PRRX2: variants seen among roughly 807,000 people sequenced by gnomAD.
The protein encoded by PRRX2 is paired mesoderm homeobox protein 2.
In PRRX2, 11 loss-of-function variants were observed where a neutral mutation model predicts 18.0. That is an observed-to-expected ratio of 0.61 (90% CI 0.39 to 1.01). The LOEUF is 1.01. PRRX2 is among the 50% of genes least tolerant of loss of function. The pLI is 0.01. For synonymous variants in PRRX2, 177 were observed against 154.8 expected (o/e 1.14, Z -1.06); for missense variants, 387 against 351.0 (o/e 1.10, Z -0.82).
At chr9:129,711,137 G>A (rs765173314) in intron 1 of PRRX2, among the ~76,000 whole-genome samples, 1 of 152,114 alleles carries the variant, frequency 6.6e-6, no homozygotes, top group Non-Finnish European at 1.5e-5. Context: ...CCAGCACCAC[G>A]AGGATCTTGG....
At chr9:129,683,709 TG>T (rs1242399947) in intron 1 of PRRX2, among the ~76,000 whole-genome samples, 2 of 151,618 alleles carry the variant, frequency 1.3e-5, no homozygotes, top group Non-Finnish European at 2.9e-5. Context: ...CACTCCAGCA[TG>T]GGCGACAGAG....
intron 2 of PRRX2, 51 bp from the exon 3 acceptor site, chr9:129,720,545 A>G: frequency 6.6e-7 from 1 of 1,514,918 alleles, no homozygotes; most frequent in Non-Finnish European, 8.9e-7. Flanking sequence ...GTCCAGAAGG[A>G]CTTGGGTCCC....
rs145323112 is a variant in PRRX2, at chr9:129,688,872, C to A, written c.259+22746C>A. 1.7e-3 allele frequency among the ~76,000 whole-genome samples: 260 copies of A among 152,330 alleles called. 1 individual carries two copies. The highest frequency in any genetic ancestry group is 6.0e-3 in the African/African-American group (251 of 41,578). On this transcript the variant is annotated intron_variant, in intron 1 of 3. Transcript: ENST00000372469. ...ACAGCACCACCCTCTGGTTGGGTGG[C>A]TCTAGGCCTAGCATCCTCCCCTCTG...
At chr9:129,685,740 A>G (rs10125991) in intron 1 of PRRX2, among the ~76,000 whole-genome samples, 101,874 of 152,078 alleles carry the variant, frequency 0.67, 34,450 homozygotes, top group African/African-American at 0.76. Flanking sequence ...CTTAGGTATT[A>G]TGCACCCAAA....
rs369246370 is a variant in PRRX2, at chr9:129,696,386, G to A, written c.260-22845G>A. Among the ~76,000 whole-genome samples, 28 of 152,216 alleles carry A rather than the reference G, an allele frequency of 1.8e-4. 1 individual carries two copies. In the East Asian group the frequency reaches 2.3e-3, roughly 13 times the overall value. ...GCCCAGGGGTTAGGCACCAGCCTGG[G>A]CAACATGGTGAAACCCCGTCTCTAC... is the stretch of plus-strand genomic sequence containing the variant. On this transcript the variant is annotated intron_variant, in intron 1 of 3. Coordinates refer to ENST00000372469, the MANE Select transcript of PRRX2 (RefSeq NM_016307.4).
chr9:129,710,022 T>C (rs546434873), intron 1 of PRRX2, among the ~76,000 whole-genome samples: 1 of 152,240 alleles, frequency 6.6e-6, no homozygotes, highest in East Asian at 1.9e-4. Flanking sequence ...ACCCCACACT[T>C]ACCCTACAGT....
rs1442731884 is a variant in PRRX2 at position 129,720,902 on chromosome 9, G to A, written c.626+128G>A. 1.4e-5 allele frequency: 15 copies of A among 1,095,562 alleles called. No individual in the cohort carries two copies. In the South Asian group the frequency reaches 2.4e-4, roughly 17 times the overall value. 67.9% of individuals were successfully genotyped at this position (1,095,562 alleles called of 1,614,324 possible). On this transcript the variant is annotated intron_variant, in intron 3 of 3. Coordinates refer to ENST00000372469, the MANE Select transcript of PRRX2 (RefSeq NM_016307.4). ...GTGTCCACGCGCCCCTGGGATCTGG[G>A]GTACACCAAGTGATGTGTGGCGAGT...
At chr9:129,690,696 T>C (rs568424294) in intron 1 of PRRX2, among the ~76,000 whole-genome samples, 16 of 151,728 alleles carry the variant, frequency 1.1e-4, no homozygotes, top group African/African-American at 3.9e-4. Context: ...TTAGTAGAGA[T>C]GGGGTTTCAC....
intron 1 of PRRX2, among the ~76,000 whole-genome samples, chr9:129,668,331 G>A (rs945295695): frequency 4.6e-5 from 7 of 152,178 alleles, no homozygotes; most frequent in East Asian, 1.9e-4. Context: ...TGGGCTTGCC[G>A]GGACTGCAGA....
intron 1 of PRRX2, among the ~76,000 whole-genome samples, chr9:129,694,602 G>A (rs1173271728): frequency 6.6e-6 from 1 of 152,162 alleles, no homozygotes; most frequent in South Asian, 2.1e-4. Context: ...TGGAAGCTTG[G>A]GTGCTGGAAT....
chr9:129,676,010 G>A (rs376248346), intron 1 of PRRX2, among the ~76,000 whole-genome samples: 1 of 152,218 alleles, frequency 6.6e-6, no homozygotes, highest in Non-Finnish European at 1.5e-5. Flanking sequence ...GTGGGCAGCC[G>A]GTGGGCAACT....
chr9:129,669,520 G>A (rs1187417471), intron 1 of PRRX2, among the ~76,000 whole-genome samples: 1 of 152,266 alleles, frequency 6.6e-6, no homozygotes. Flanking sequence ...CAGGGGTGAG[G>A]CCTCTGGCCA....
intron 1 of PRRX2, among the ~76,000 whole-genome samples, chr9:129,687,997 G>A (rs1832316498): frequency 6.6e-6 from 1 of 152,080 alleles, no homozygotes; most frequent in Admixed American, 6.5e-5. Flanking sequence ...CTGGGCTCAA[G>A]CGGTCCTCCT....
At chr9:129,683,378 T>C (rs1832257837) in intron 1 of PRRX2, among the ~76,000 whole-genome samples, 2 of 152,230 alleles carry the variant, frequency 1.3e-5, no homozygotes, top group Non-Finnish European at 2.9e-5. Context: ...GCCCCTGCTC[T>C]GTGCAGGTCC....
chr9:129,689,542 T>G (rs1231823744), intron 1 of PRRX2, among the ~76,000 whole-genome samples: 3 of 152,164 alleles, frequency 2.0e-5, no homozygotes, highest in African/African-American at 7.2e-5. Context: ...TTGGGACAAG[T>G]GGTCCCTGGC....
In PRRX2 at chr9:129,675,689, C is replaced by G. The variant is rs79213576; in HGVS notation, c.259+9563C>G. Among the ~76,000 whole-genome samples, 1 of 151,812 alleles carries G rather than the reference C, an allele frequency of 6.6e-6. No individual in the cohort carries two copies. The highest frequency in any genetic ancestry group is 1.5e-5 in the Non-Finnish European group (1 of 67,976). ...CCTCCCTTCTTGCCGTGGGCGCAGA[C>G]GTTTACACGCCAGAGATGGCGTTAT... On this transcript the variant is annotated intron_variant, in intron 1 of 3. Transcript: ENST00000372469. The surrounding 1 kb of genome is among the most constrained non-coding windows in gnomAD (Gnocchi z 4.4).
chr9:129,692,169 C>G (rs143762580), intron 1 of PRRX2, among the ~76,000 whole-genome samples: 1 of 151,486 alleles, frequency 6.6e-6, no homozygotes, highest in Admixed American at 6.6e-5. Flanking sequence ...AGGCTGGTCT[C>G]GAACTCCTGA....
chr9:129,694,007 T>C (rs1215332531), intron 1 of PRRX2, among the ~76,000 whole-genome samples: 1 of 152,062 alleles, frequency 6.6e-6, no homozygotes, highest in Non-Finnish European at 1.5e-5. Flanking sequence ...TTTCTGAAGC[T>C]CTTCCTGAGC....
At position 129,719,224 on chromosome 9, in the gene PRRX2, T is replaced by G. The variant is rs1184237811; in HGVS notation, c.260-7T>G. 6.4e-7 allele frequency: 1 copy of G among 1,565,338 alleles called. No homozygotes were observed. The highest frequency in any genetic ancestry group is 1.8e-5 in the Admixed American group (1 of 54,574). On this transcript the variant is annotated splice_polypyrimidine_tract_variant and splice_region_variant and intron_variant, in intron 1 of 3. Transcript: ENST00000372469. Reference sequence around the variant, plus strand: ...TGCTGACCATCCCGCCCCCCCAACCTCCGCAGGTGAGTGTCCCAGCCCGGG... The same window carrying G: ...TGCTGACCATCCCGCCCCCCCAACCGCCGCAGGTGAGTGTCCCAGCCCGGG...
Sources: allele counts gnomAD v4.1 joint callset (sites outside exome capture counted in the v4.1 genomes callset), GRCh38; gene constraint gnomAD v4.1.1; non-coding constraint Gnocchi (gnomAD v3.1); transcripts MANE v1.5; gene names NCBI Gene and HGNC (gene_info 2026-07-23, HGNC 2026-07-21).